Variants in MEI4 observed in about 807,000 individuals in gnomAD.
MEI4 encodes meiotic double-stranded break formation protein 4, also known as meiosis-specific protein MEI4.
In MEI4, 27 loss-of-function variants were observed where a neutral mutation model predicts 31.4. The ratio of observed to expected loss-of-function variants is 0.86; its 90% CI spans 0.63 to 1.19. MEI4 has a LOEUF of 1.19. Ranked by LOEUF, MEI4 falls within the 50% of genes most tolerant of loss-of-function variation. MEI4 has a pLI of 0.00. For synonymous variants in MEI4, 122 were observed against 145.4 expected (o/e 0.84, Z 1.16); for missense variants, 329 against 398.9 (o/e 0.82, Z 1.49).
chr6:77,729,773 T>G (rs138564658), intron 2 of MEI4, among the ~76,000 whole-genome samples: 269 of 152,316 alleles, frequency 1.8e-3, no homozygotes, highest in African/African-American at 6.3e-3. Context: ...AAACACTGAA[T>G]GTCTATGCTT....
chr6:77,864,825 G>T (rs924179110), intron 4 of MEI4, among the ~76,000 whole-genome samples: 12 of 151,228 alleles, frequency 7.9e-5, no homozygotes, highest in African/African-American at 1.7e-4. Context: ...GACCACATAG[G>T]TGGAAGTAAA....
intron 3 of MEI4, among the ~76,000 whole-genome samples, chr6:77,769,834 T>TA (rs1487449683): frequency 6.6e-6 from 1 of 152,010 alleles, no homozygotes; most frequent in African/African-American, 2.4e-5. Context: ...GGGCCCTGAA[T>TA]AATTAGTATT....
chr6:77,663,660 G>A (rs988232740), intron 1 of MEI4, among the ~76,000 whole-genome samples: 4 of 152,194 alleles, frequency 2.6e-5, no homozygotes, highest in African/African-American at 7.2e-5. Context: ...AGTTATGGAG[G>A]CAAGGGAAAC....
intron 2 of MEI4, among the ~76,000 whole-genome samples, chr6:77,741,754 T>C (rs1767410337): frequency 6.9e-6 from 1 of 144,388 alleles, no homozygotes; most frequent in East Asian, 2.2e-4. Context: ...TATCTCCTAA[T>C]GCTATCCCTC....
intron 4 of MEI4, among the ~76,000 whole-genome samples, chr6:77,840,333 T>C (rs1002330538): frequency 5.3e-5 from 8 of 152,084 alleles, no homozygotes; most frequent in African/African-American, 9.7e-5. Flanking sequence ...CTGCAGAAAA[T>C]TGAACAAAGT....
chr6:77,694,130 G>T (rs895885504), intron 2 of MEI4, among the ~76,000 whole-genome samples: 61 of 151,812 alleles, frequency 4.0e-4, no homozygotes, highest in African/African-American at 1.4e-3. Flanking sequence ...AATGAGTAAG[G>T]TTTTATTATA....
intron 3 of MEI4, among the ~76,000 whole-genome samples, chr6:77,798,040 G>A (rs1013751041): frequency 4.6e-5 from 7 of 152,116 alleles, no homozygotes; most frequent in Admixed American, 3.9e-4. Context: ...GTAAAAGATA[G>A]GAAATAAAAC....
At chr6:77,656,081 A>G (rs1257167797) in intron 1 of MEI4, among the ~76,000 whole-genome samples, 1 of 152,138 alleles carries the variant, frequency 6.6e-6, no homozygotes, top group East Asian at 1.9e-4. Flanking sequence ...TCTTCATTTC[A>G]TTTTTATTAG....
intron 4 of MEI4, among the ~76,000 whole-genome samples, chr6:77,911,076 T>G (rs1222638194): frequency 6.6e-6 from 1 of 152,052 alleles, no homozygotes; most frequent in East Asian, 1.9e-4. Flanking sequence ...TCCTAAGGCA[T>G]GTTGGTTCAT....
intron 4 of MEI4, among the ~76,000 whole-genome samples, chr6:77,851,172 C>T (rs1770609137): frequency 6.6e-6 from 1 of 152,132 alleles, no homozygotes; most frequent in African/African-American, 2.4e-5. Context: ...AATAGGAACA[C>T]TTTTACACTG....
At chr6:77,828,269 CTGGTCCA>C (rs1423348647) in intron 3 of MEI4, among the ~76,000 whole-genome samples, 2 of 145,526 alleles carry the variant, frequency 1.4e-5, no homozygotes, top group African/African-American at 5.1e-5. Flanking sequence ...TGGACCAGTA[CTGGTCCA>C]TGGCCTGTTA....
chr6:77,812,030 A>G (rs189737098), intron 3 of MEI4, among the ~76,000 whole-genome samples: 7 of 152,154 alleles, frequency 4.6e-5, no homozygotes, highest in African/African-American at 1.4e-4. Flanking sequence ...TGTGTGTGGA[A>G]ATAAACCTTA....
At chr6:77,730,959 A>G (rs2127667336) in intron 2 of MEI4, among the ~76,000 whole-genome samples, 2 of 151,822 alleles carry the variant, frequency 1.3e-5, no homozygotes, top group African/African-American at 4.8e-5. Flanking sequence ...ACATGAACCC[A>G]TCATTTTTTA....
intron 3 of MEI4, among the ~76,000 whole-genome samples, chr6:77,818,805 A>T (rs1310225887): frequency 6.6e-6 from 1 of 152,022 alleles, no homozygotes; most frequent in East Asian, 1.9e-4. Flanking sequence ...TAGCTCACTT[A>T]CTGCAGCTTG....
At chr6:77,769,265 CAG>C (rs1768249570) in intron 3 of MEI4, among the ~76,000 whole-genome samples, 1 of 152,092 alleles carries the variant, frequency 6.6e-6, no homozygotes, top group Non-Finnish European at 1.5e-5. Flanking sequence ...TGGGAAGCAA[CAG>C]GGGGCAGAAC....
chr6:77,802,438 T>C (rs1313595273), intron 3 of MEI4, among the ~76,000 whole-genome samples: 1 of 152,206 alleles, frequency 6.6e-6, no homozygotes, highest in Non-Finnish European at 1.5e-5. Context: ...TGCCAGTCTG[T>C]GTCTTTTAAT....
chr6:77,912,874 T>G (rs188992168), intron 4 of MEI4, among the ~76,000 whole-genome samples: 3 of 152,258 alleles, frequency 2.0e-5, no homozygotes, highest in African/African-American at 7.2e-5. Context: ...CTAGGTATCT[T>G]TGTCTTGTTC....
At chr6:77,738,752 C>T (rs1454146610) in intron 2 of MEI4, among the ~76,000 whole-genome samples, 1 of 152,168 alleles carries the variant, frequency 6.6e-6, no homozygotes, top group East Asian at 1.9e-4. Flanking sequence ...TCTCCAGCAT[C>T]TGTTGTTTCC....
intron 4 of MEI4, among the ~76,000 whole-genome samples, chr6:77,844,802 AGTCCAATATCT>A (rs1235149475): frequency 3.3e-5 from 5 of 152,140 alleles, no homozygotes; most frequent in Non-Finnish European, 5.9e-5. Flanking sequence ...AAAGGAAAAG[AGTCCAATATCT>A]TCACATCCCT....
Sources: allele counts gnomAD v4.1 joint callset (sites outside exome capture counted in the v4.1 genomes callset), GRCh38; gene constraint gnomAD v4.1.1; transcripts MANE v1.5; gene names NCBI Gene and HGNC (gene_info 2026-07-23, HGNC 2026-07-21).